CLOCK: variants seen among roughly 807,000 people sequenced by gnomAD.
CLOCK encodes circadian locomoter output cycles protein kaput.
In CLOCK, 43 loss-of-function variants were observed where a neutral mutation model predicts 118.4. The ratio of observed to expected loss-of-function variants is 0.36; its 90% CI spans 0.28 to 0.47. The LOEUF (loss-of-function observed/expected upper bound fraction) is 0.47. CLOCK is among the 20% of genes least tolerant of loss of function. The probability of loss-of-function intolerance (pLI) is 1.00; values close to 1 mark genes in which losing one functional copy is unlikely to be tolerated. For missense variants in CLOCK, 846 were observed against 999.9 expected (o/e 0.85, Z 2.08); for synonymous variants, 326 against 339.2 (o/e 0.96, Z 0.43).
At chr4:55,469,143 G>C (rs77860801) in intron 8 of CLOCK, among the ~76,000 whole-genome samples, 1 of 126,356 alleles carries the variant, frequency 7.9e-6, no homozygotes, top group Non-Finnish European at 1.7e-5. Context: ...TTTTTTTTTT[G>C]AGATGGAGTT....
chr4:55,497,007 T>C (rs1728125830), intron 2 of CLOCK, among the ~76,000 whole-genome samples: 1 of 152,248 alleles, frequency 6.6e-6, no homozygotes, highest in South Asian at 2.1e-4. Context: ...AGAGGTACTA[T>C]GTGCTTCCTA....
intron 3 of CLOCK, among the ~76,000 whole-genome samples, chr4:55,485,355 T>C (rs548095497): frequency 2.0e-5 from 3 of 152,202 alleles, no homozygotes; most frequent in Non-Finnish European, 4.4e-5. Context: ...GTAAGTAAAA[T>C]AGGCTGGACA....
rs1379590800 is a variant in CLOCK at position 55,442,597 on chromosome 4, G to A, written c.1940C>T (p.Thr647Ile). ...GCTCTGTGTCTGACTGGGTAGAGATGTTTGCTGACTGTGCCCACTCAGTAC... is the reference window on the plus strand; with the variant it reads ...GCTCTGTGTCTGACTGGGTAGAGATATTTGCTGACTGTGCCCACTCAGTAC... ...QNVLSGHSQQTSLPSQTQSTL... is the reference protein window; with the variant it reads ...QNVLSGHSQQISLPSQTQSTL... Residue 647 changes from threonine (T) to isoleucine (I), a missense_variant, in exon 21 of 23, where the codon ACA becomes ATA. By Grantham distance (89) the Thr-to-Ile change is moderately conservative (BLOSUM62 -1). Transcript: ENST00000513440. 4 of 1,612,788 alleles carry A rather than the reference G, an allele frequency of 2.5e-6. No individual in the cohort carries two copies. The highest frequency in any genetic ancestry group is 1.7e-6 in the Non-Finnish European group (2 of 1,179,820).
intron 1 of CLOCK, among the ~76,000 whole-genome samples, chr4:55,521,478 A>G (rs1435637869): frequency 2.0e-5 from 3 of 152,220 alleles, no homozygotes; most frequent in African/African-American, 4.8e-5. Flanking sequence ...TTGGCCTCCC[A>G]AAGTGCTGGG....
chr4:55,438,063 T>C (rs892179802), intron 22 of CLOCK, among the ~76,000 whole-genome samples: 6 of 152,128 alleles, frequency 3.9e-5, no homozygotes, highest in Non-Finnish European at 5.9e-5. Context: ...TTCTGATAAC[T>C]GGGTATGCCC....
chr4:55,449,415 C>G lies in CLOCK; in HGVS notation c.1430G>C (p.Arg477Thr). 6.2e-7 allele frequency: 1 copy of G among 1,613,832 alleles called. No individual in the cohort carries two copies. The highest frequency in any genetic ancestry group is 8.5e-7 in the Non-Finnish European group (1 of 1,179,852). The change falls in exon 17 of 23, where the codon AGG becomes ACG. Residue 477 changes from arginine to threonine, a missense_variant. Physicochemically the swap from Arg to Thr is moderately conservative, Grantham distance 71 (BLOSUM62 -1). Around this residue, in one of 4 missense-constraint regions of CLOCK, gnomAD observed 520 missense variants for 558.0 expected, o/e 0.93. Transcript: ENST00000513440. ...GCTTACCTGACTACTAAATGATGAC[C>G]TTCTTTGCACCATCTTCTCATGAGC... ...LPAHEKMVQR[R>T]SSFSSQSINS...
chr4:55,440,675 C>T (rs761042933), intron 21 of CLOCK, among the ~76,000 whole-genome samples: 9 of 152,206 alleles, frequency 5.9e-5, no homozygotes, highest in Admixed American at 2.0e-4. Flanking sequence ...CACAGAAGTA[C>T]TAAGTGCTGA....
chr4:55,513,934 T>C (rs1240331439), intron 1 of CLOCK, among the ~76,000 whole-genome samples: 3 of 152,258 alleles, frequency 2.0e-5, no homozygotes, highest in African/African-American at 4.8e-5. Flanking sequence ...TCACTGCTGG[T>C]ATATAGGAAT....
chr4:55,470,297 T>C (rs1444968213), intron 8 of CLOCK, among the ~76,000 whole-genome samples: 2 of 152,158 alleles, frequency 1.3e-5, no homozygotes, highest in African/African-American at 2.4e-5. Context: ...TGTTTAGGTA[T>C]TTTTAAACAT....
intron 1 of CLOCK, among the ~76,000 whole-genome samples, chr4:55,514,030 T>C (rs559124586): frequency 6.6e-6 from 1 of 152,270 alleles, no homozygotes; most frequent in African/African-American, 2.4e-5. Context: ...ATCTTCTACA[T>C]AGACAATCAT....
rs1444554820 is a variant in CLOCK at position 55,524,151 on chromosome 4, G to A, written c.-289-14086C>T. On this transcript the variant is annotated intron_variant, in intron 1 of 22. Transcript: ENST00000513440. ...TGTTTGTAATCCCAGTACTTTGGGAGGCTGAGGCGGGCGGATCACTTGAGG... is the reference window on the plus strand; with the variant it reads ...TGTTTGTAATCCCAGTACTTTGGGAAGCTGAGGCGGGCGGATCACTTGAGG... Among the ~76,000 whole-genome samples, 4 of 152,236 alleles carry A rather than the reference G, an allele frequency of 2.6e-5. No individual in the cohort carries two copies. In the East Asian group the frequency reaches 7.7e-4, roughly 29 times the overall value.
At chr4:55,521,762 C>T (rs966528504) in intron 1 of CLOCK, among the ~76,000 whole-genome samples, 3 of 152,196 alleles carry the variant, frequency 2.0e-5, no homozygotes, top group African/African-American at 4.8e-5. Flanking sequence ...TCTATGGATG[C>T]TATGCAATTT....
At chr4:55,529,195 G>T (rs1189359494) in intron 1 of CLOCK, among the ~76,000 whole-genome samples, 1 of 152,048 alleles carries the variant, frequency 6.6e-6, no homozygotes, top group African/African-American at 2.4e-5. Context: ...GTCTTACTTT[G>T]TTGCCCAGGC....
intron 18 of CLOCK, 97 bp downstream of exon 18, chr4:55,448,682 T>C (rs1577695717): frequency 1.2e-6 from 1 of 826,784 alleles, no homozygotes; most frequent in Admixed American, 2.1e-5. Flanking sequence ...TGGCTACAGG[T>C]GCTTGCCAGC....
chr4:55,533,509 T>C (rs761399317), intron 1 of CLOCK, among the ~76,000 whole-genome samples: 4 of 152,230 alleles, frequency 2.6e-5, no homozygotes, highest in Non-Finnish European at 5.9e-5. Context: ...CACTTTTTAA[T>C]TAAGTATTTT....
At chr4:55,464,940 T>C (rs1051851222) in intron 8 of CLOCK, among the ~76,000 whole-genome samples, 1 of 152,198 alleles carries the variant, frequency 6.6e-6, no homozygotes, top group Non-Finnish European at 1.5e-5. Flanking sequence ...TGAAGTGAGA[T>C]GACCTTCCCC....
chr4:55,455,692 AT>A (rs1724871768), intron 13 of CLOCK, among the ~76,000 whole-genome samples: 1 of 152,226 alleles, frequency 6.6e-6, no homozygotes, highest in South Asian at 2.1e-4. Context: ...ATATTATAAA[AT>A]TCTACTTATT....
intron 13 of CLOCK, 23 bp from the exon 14 acceptor site, chr4:55,453,847 T>C: frequency 6.5e-7 from 1 of 1,540,632 alleles, no homozygotes; most frequent in Non-Finnish European, 8.9e-7. Flanking sequence ...TAGAGAAATA[T>C]TTTTTCTTTA....
intron 9 of CLOCK, among the ~76,000 whole-genome samples, chr4:55,462,275 CA>C (rs1477938120): frequency 9.9e-5 from 15 of 152,172 alleles, no homozygotes; most frequent in Non-Finnish European, 8.8e-5. Flanking sequence ...TTGCTATCTC[CA>C]AAGGGTTCCA....
Sources: gnomAD v4.1 joint callset for allele counts (sites outside exome capture counted in the v4.1 genomes callset) on GRCh38, gnomAD v4.1.1 for gene constraint, gnomAD v4.1.1 regional missense constraint, MANE v1.5 for transcripts, NCBI Gene and HGNC (gene_info 2026-07-23, HGNC 2026-07-21) for gene names.